Variants in SS18 observed in about 807,000 individuals in gnomAD.
The protein encoded by SS18 is protein SSXT.
Under a neutral mutation model 72.5 loss-of-function variants are expected in SS18, and 28 were observed. That is an observed-to-expected ratio of 0.39 (90% confidence interval 0.29 to 0.53). The LOEUF (loss-of-function observed/expected upper bound fraction) is 0.53. SS18 is among the 20% of genes least tolerant of loss of function. The pLI, the probability that SS18 is intolerant of heterozygous loss-of-function variation, is 0.76. For missense variants in SS18, 518 were observed against 535.3 expected (o/e 0.97, Z 0.32); for synonymous variants, 172 against 164.2 (o/e 1.05, Z -0.37).
At chr18:26,068,847 G>A (rs935277642) in intron 3 of SS18, among the ~76,000 whole-genome samples, 4 of 151,922 alleles carry the variant, frequency 2.6e-5, no homozygotes, top group African/African-American at 9.7e-5. Context: ...AGATATCTTT[G>A]TAAAGATACT....
At chr18:26,024,676 T>C (rs914657488) in intron 10 of SS18, among the ~76,000 whole-genome samples, 4 of 152,192 alleles carry the variant, frequency 2.6e-5, no homozygotes, top group Admixed American at 1.3e-4. Flanking sequence ...GTGACTTGTA[T>C]GATATGTGAT....
chr18:26,037,724 GAA>G (rs1464360142), intron 7 of SS18, among the ~76,000 whole-genome samples: 3 of 152,018 alleles, frequency 2.0e-5, no homozygotes. Flanking sequence ...TCATATACAT[GAA>G]TAAGGCTTTT....
chr18:26,082,017 C>T (rs368866444), intron 2 of SS18, among the ~76,000 whole-genome samples: 1 of 151,920 alleles, frequency 6.6e-6, no homozygotes, highest in East Asian at 1.9e-4. Flanking sequence ...ATTATCATAC[C>T]ACTTGCACTC....
intron 4 of SS18, among the ~76,000 whole-genome samples, chr18:26,056,304 C>A (rs2054019716): frequency 6.6e-6 from 1 of 152,172 alleles, no homozygotes; most frequent in Admixed American, 6.5e-5. Context: ...CACAAAACTC[C>A]TAACTAGCTA....
intron 3 of SS18, among the ~76,000 whole-genome samples, chr18:26,070,064 T>C (rs1450733788): frequency 1.3e-5 from 2 of 152,132 alleles, no homozygotes; most frequent in African/African-American, 2.4e-5. Flanking sequence ...TGTTCCTTAC[T>C]GGGGGTAATG....
chr18:26,032,509 G>A lies in SS18; in HGVS notation c.1120C>T (p.Pro374Ser), dbSNP rs749115830. The A allele has an allele frequency of 1.2e-6, 2 of 1,613,686 alleles. No individual in the cohort carries two copies. The highest frequency in any genetic ancestry group is 3.3e-5 in the Admixed American group (2 of 59,986). ...GYGPSQGGPG[P>S]QYPNYPQGQG... ...CCCTGTGGGTAGTTAGGATACTGAG[G>A]ACCTGGACCACCCTGTGAAGGACCT... Residue 374 changes from proline (P) to serine (S), a missense_variant, in exon 10 of 11, where the codon CCT (proline) becomes TCT (serine). Transcript: ENST00000415083.
At chr18:26,033,510 C>T (rs1278172885) in intron 9 of SS18, among the ~76,000 whole-genome samples, 7 of 142,536 alleles carry the variant, frequency 4.9e-5, no homozygotes, top group African/African-American at 1.9e-4. Context: ...GAAACTCCGT[C>T]CAAAAAAAAA....
intron 4 of SS18, 140 bp downstream of exon 4, chr18:26,057,449 G>T: frequency 1.0e-6 from 1 of 959,598 alleles, no homozygotes; most frequent in Non-Finnish European, 1.6e-6. Context: ...TAGCTCTGTA[G>T]CTAACAAACT....
intron 3 of SS18, among the ~76,000 whole-genome samples, chr18:26,066,600 G>GCACACA (rs35011668): frequency 0.018 from 2,651 of 144,410 alleles, 64 homozygotes; most frequent in African/African-American, 0.063. Context: ...GGAAATTTGT[G>GCACACA]CACACACACA....
chr18:26,029,266 A>G (rs1008939386), intron 10 of SS18, among the ~76,000 whole-genome samples: 1 of 152,190 alleles, frequency 6.6e-6, no homozygotes, highest in Non-Finnish European at 1.5e-5. Flanking sequence ...CAAGTCCTAT[A>G]TGGCCTTGTA....
chr18:26,057,891 AT>A, intron 3 of SS18, 149 bp from the exon 4 acceptor site: 1 of 702,246 alleles, frequency 1.4e-6, no homozygotes, highest in Non-Finnish European at 2.2e-6. Context: ...CATCATGAAC[AT>A]AGTTAATAAC....
rs2053606198 is a variant in SS18 at position 26,035,140 on chromosome 18, T to C, written c.974-13A>G. ...TACTGTGAATTTCCTACAGGATAAT[T>C]GGAGAAGAGGAAAAAAAACTGAGAA... On this transcript the variant is annotated splice_polypyrimidine_tract_variant and intron_variant, in intron 8 of 10. Transcript: ENST00000415083. This position sits in a 1 kb window ranked among gnomAD's most constrained non-coding sequence, Gnocchi z 4.4. 2 of 1,611,078 alleles carry C rather than the reference T, an allele frequency of 1.2e-6. No individual in the cohort carries two copies. Among genetic ancestry groups the C allele is most frequent in the African/African-American group, 1.3e-5 (1 of 74,700 alleles).
intron 3 of SS18, among the ~76,000 whole-genome samples, chr18:26,058,443 T>C (rs1316002377): frequency 2.6e-5 from 4 of 152,270 alleles, no homozygotes; most frequent in Non-Finnish European, 5.9e-5. Context: ...AGGGATATTT[T>C]GGTGGAGAAA....
chr18:26,044,566 C>A (rs918408697), intron 5 of SS18, among the ~76,000 whole-genome samples: 3 of 151,830 alleles, frequency 2.0e-5, no homozygotes, highest in Admixed American at 1.3e-4. Context: ...TCAGGTGATC[C>A]ACCCACCTCG....
intron 10 of SS18, among the ~76,000 whole-genome samples, chr18:26,019,083 G>T (rs911690118): frequency 5.3e-5 from 8 of 152,096 alleles, no homozygotes; most frequent in African/African-American, 1.4e-4. Context: ...CAGCACGAAG[G>T]GACATGATGA....
intron 10 of SS18, among the ~76,000 whole-genome samples, chr18:26,020,521 C>T (rs912628057): frequency 6.6e-6 from 1 of 152,132 alleles, no homozygotes; most frequent in Non-Finnish European, 1.5e-5. Flanking sequence ...TATAATTTAT[C>T]TACTGTATTA....
chr18:26,038,360 G>C (rs573522965), intron 7 of SS18, among the ~76,000 whole-genome samples, 195 bp downstream of exon 7: 1 of 152,184 alleles, frequency 6.6e-6, no homozygotes. Flanking sequence ...TGGTACTAAT[G>C]GAACACCTAA....
At chr18:26,067,748 C>A (rs757063000) in intron 3 of SS18, among the ~76,000 whole-genome samples, 1 of 152,104 alleles carries the variant, frequency 6.6e-6, no homozygotes, top group Non-Finnish European at 1.5e-5. Flanking sequence ...ATCATGGAAG[C>A]TAAAGAATAA....
At chr18:26,021,225 C>T (rs1329320897) in intron 10 of SS18, among the ~76,000 whole-genome samples, 1 of 152,198 alleles carries the variant, frequency 6.6e-6, no homozygotes, top group African/African-American at 2.4e-5. Context: ...GTGCTAACGT[C>T]ACCACTTAAC....
Sources: gnomAD v4.1 joint callset for allele counts (sites outside exome capture counted in the v4.1 genomes callset) on GRCh38, gnomAD v4.1.1 for gene constraint, Gnocchi (gnomAD v3.1) non-coding constraint, MANE v1.5 for transcripts, NCBI Gene and HGNC (gene_info 2026-07-23, HGNC 2026-07-21) for gene names.